The following ULBP2 variants were observed in gnomAD, a reference collection of about 807,000 sequenced individuals.
The protein encoded by ULBP2 is UL16 binding protein 2.
ULBP2 carries 21 observed loss-of-function variants against 23.6 expected under a neutral mutation model. The observed-to-expected ratio is 0.89, with a 90% CI of 0.63 to 1.28. The LOEUF is 1.28. ULBP2 is among the 50% of genes most tolerant of loss of function. The probability of loss-of-function intolerance (pLI) is 0.00; values close to 1 mark genes in which losing one functional copy is unlikely to be tolerated. For synonymous variants in ULBP2, 82 were observed against 112.8 expected, an observed-to-expected ratio of 0.73 and a Z score of 1.73; for missense variants, 251 against 306.0, an observed-to-expected ratio of 0.82 and a Z score of 1.34.
Position 149,945,380 on chromosome 6 carries a change from C to A in ULBP2, c.157C>A (p.Gln53Lys). 6.2e-7 allele frequency: 1 copy of A among 1,613,048 alleles called. No homozygotes were observed. Among genetic ancestry groups the A allele is most frequent in the Non-Finnish European group, 8.5e-7 (1 of 1,179,876 alleles). ...ACCTGGACCACGGTGGTGTGCGGTTCAAGGCCAGGTGGATGAAAAGACTTT... is the reference window on the plus strand; with the variant it reads ...ACCTGGACCACGGTGGTGTGCGGTTAAAGGCCAGGTGGATGAAAAGACTTT... The part of the protein sequence containing the change: ...FRPGPRWCAV[Q>K]GQVDEKTFLH... Residue 53 changes from glutamine to lysine, a missense_variant, in exon 2 of 5, where the codon CAA (glutamine) becomes AAA (lysine). By Grantham distance (53) the Gln-to-Lys change is moderately conservative (BLOSUM62 1). Coordinates refer to ENST00000367351, the MANE Select transcript of ULBP2 (RefSeq NM_025217.4).
At position 149,946,245 on chromosome 6, in the gene ULBP2, C is replaced by T. The variant is rs554825870; in HGVS notation, c.350-127C>T. 1.1e-4 allele frequency: 130 copies of T among 1,205,474 alleles called. 1 individual carries two copies. Among genetic ancestry groups the T allele is most frequent in the Non-Finnish European group, 1.4e-4 (120 of 860,610 alleles). 74.7% of individuals were successfully genotyped at this position (1,205,474 alleles called of 1,614,324 possible). A position where few individuals can be genotyped will look rare whatever the true frequency, so the allele number is the denominator to read the frequency against. ...AAATACAAATGGGAAGGTCATCATA[C>T]CCCTCAAGAGTCTAGAGGCAAGGCC... On this transcript the variant is annotated intron_variant, in intron 2 of 4. Coordinates refer to ENST00000367351, the MANE Select transcript of ULBP2 (RefSeq NM_025217.4).
At chr6:149,942,357 A>G (rs1337874148) in intron 1 of ULBP2, among the ~76,000 whole-genome samples, 200 bp downstream of exon 1, 10 of 152,196 alleles carry the variant, frequency 6.6e-5, no homozygotes, top group Non-Finnish European at 1.3e-4. Flanking sequence ...AGAGGCGAAA[A>G]GGAGCGGGGT....
intron 2 of ULBP2, 69 bp from the exon 3 acceptor site, chr6:149,946,303 T>C (rs1276641979): frequency 1.9e-6 from 3 of 1,544,308 alleles, no homozygotes; most frequent in Non-Finnish European, 2.6e-6. Context: ...GCCAGCAAAT[T>C]GTAAGGGGAA....
chr6:149,942,265 C>T (rs1582812056), intron 1 of ULBP2, 108 bp downstream of exon 1: 9 of 1,182,608 alleles, frequency 7.6e-6, no homozygotes, highest in Admixed American at 2.5e-5. Context: ...GGGGAGATCT[C>T]CCCTAACTGC....
At chr6:149,946,128 G>T (rs1170726266) in intron 2 of ULBP2, among the ~76,000 whole-genome samples, 1 of 150,766 alleles carries the variant, frequency 6.6e-6, no homozygotes, top group Non-Finnish European at 1.5e-5. Flanking sequence ...TGTAGTCCCA[G>T]CTACTTAGGA....
intron 1 of ULBP2, among the ~76,000 whole-genome samples, chr6:149,944,495 C>G (rs1426041762): frequency 2.8e-5 from 4 of 142,678 alleles, no homozygotes; most frequent in South Asian, 4.8e-4. Flanking sequence ...ATTTCAGGAA[C>G]AGCATCTCCT....
At position 149,949,126 on chromosome 6, in the gene ULBP2, A is replaced by G. The variant is rs1163203173; in HGVS notation, c.*426A>G. 1 of 155,442 alleles carries G rather than the reference A, an allele frequency of 6.4e-6. No individual in the cohort carries two copies. The highest frequency in any genetic ancestry group is 1.4e-5 in the Non-Finnish European group (1 of 70,272). The allele number at this position is 155,442 out of a possible 1,614,324, so 9.6% of individuals were successfully genotyped here. ...CTGGGGATTCTTTCCGTGTCCTGAA[A>G]GAGAATTTTTAAATTATTTAATAAG... On this transcript the variant is annotated 3_prime_UTR_variant, in exon 5 of 5. Transcript: ENST00000367351.
intron 4 of ULBP2, among the ~76,000 whole-genome samples, chr6:149,947,855 T>C (rs1471264150): frequency 6.6e-6 from 1 of 151,638 alleles, no homozygotes; most frequent in African/African-American, 2.4e-5. Context: ...TTACATGAGG[T>C]GTGACAGGGG....
At chr6:149,947,814 TC>T (rs533498101) in intron 4 of ULBP2, among the ~76,000 whole-genome samples, 68 of 151,700 alleles carry the variant, frequency 4.5e-4, no homozygotes, top group African/African-American at 1.5e-3. Context: ...TGGGCAGTCC[TC>T]TTAATTGGGT....
At chr6:149,943,030 G>A (rs1235453747) in intron 1 of ULBP2, among the ~76,000 whole-genome samples, 1 of 152,170 alleles carries the variant, frequency 6.6e-6, no homozygotes, top group Non-Finnish European at 1.5e-5. Flanking sequence ...AATAGTCACT[G>A]TGTAGACAGG....
intron 4 of ULBP2, among the ~76,000 whole-genome samples, chr6:149,948,332 T>C (rs1778974435): frequency 6.6e-6 from 1 of 152,112 alleles, no homozygotes; most frequent in African/African-American, 2.4e-5. Context: ...GAAAGAAGGA[T>C]GTTTGCCTGC....
chr6:149,948,866 A>T lies in ULBP2; in HGVS notation c.*166A>T. The T allele has an allele frequency of 2.4e-6, 1 of 418,502 alleles. No individual in the cohort carries two copies. The highest frequency in any genetic ancestry group is 2.7e-5 in the Admixed American group (1 of 36,742). 25.9% of individuals were successfully genotyped at this position (418,502 alleles called of 1,614,324 possible). A position where few individuals can be genotyped will look rare whatever the true frequency, so the allele number is the denominator to read the frequency against. On this transcript the variant is annotated 3_prime_UTR_variant, in exon 5 of 5. Coordinates refer to ENST00000367351, the MANE Select transcript of ULBP2 (RefSeq NM_025217.4). ...ACATCATGGACCCAATAGCTCATTC[A>T]CTGCCTTGATTCCTTTTGCCAACAA...
chr6:149,948,508 C>G (rs1456209947), intron 4 of ULBP2, among the ~76,000 whole-genome samples: 1 of 152,124 alleles, frequency 6.6e-6, no homozygotes, highest in Non-Finnish European at 1.5e-5. Context: ...TCCACTCCAT[C>G]CCCTGGTCAG....
intron 1 of ULBP2, among the ~76,000 whole-genome samples, chr6:149,942,369 G>A (rs1778876310): frequency 6.6e-6 from 1 of 152,178 alleles, no homozygotes; most frequent in African/African-American, 2.4e-5. Flanking sequence ...GAGCGGGGTG[G>A]AAAGGAGGCT....
At position 149,947,471 on chromosome 6, in the gene ULBP2, A is replaced by G. The variant is rs1324042610; in HGVS notation, c.*22+20A>G. 1 of 1,193,242 alleles carries G rather than the reference A, an allele frequency of 8.4e-7. No individual in the cohort carries two copies. The highest frequency in any genetic ancestry group is 2.3e-5 in the Admixed American group (1 of 42,830). The allele number at this position is 1,193,242 out of a possible 1,614,324, so 73.9% of individuals were successfully genotyped here. A position where few individuals can be genotyped will look rare whatever the true frequency, so the allele number is the denominator to read the frequency against. On this transcript the variant is annotated intron_variant, in intron 4 of 4. Coordinates refer to ENST00000367351, the MANE Select transcript of ULBP2 (RefSeq NM_025217.4). ...TGACAGGTACTGTGGGCAGAATTGGAAGTGGAGCAAGGAGCAGGTGGGTGA... is the reference window on the plus strand; with the variant it reads ...TGACAGGTACTGTGGGCAGAATTGGGAGTGGAGCAAGGAGCAGGTGGGTGA...
Position 149,948,861 on chromosome 6 carries a change from C to T in ULBP2, c.*161C>T. 2.4e-6 allele frequency: 1 copy of T among 423,942 alleles called. No homozygotes were observed. The highest frequency in any genetic ancestry group is 4.8e-6 in the Non-Finnish European group (1 of 209,910). 26.3% of individuals were successfully genotyped at this position (423,942 alleles called of 1,614,324 possible). A position where few individuals can be genotyped will look rare whatever the true frequency, so the allele number is the denominator to read the frequency against. On this transcript the variant is annotated 3_prime_UTR_variant, in exon 5 of 5. Transcript: ENST00000367351. ...TGATGACATCATGGACCCAATAGCT[C>T]ATTCACTGCCTTGATTCCTTTTGCC... is the stretch of plus-strand genomic sequence containing the variant.
chr6:149,948,922 G>T lies in ULBP2; in HGVS notation c.*222G>T. 3.2e-6 allele frequency: 1 copy of T among 316,736 alleles called. No homozygotes were observed. The highest frequency in any genetic ancestry group is 6.3e-6 in the Non-Finnish European group (1 of 158,640). The allele number at this position is 316,736 out of a possible 1,614,324, so 19.6% of individuals were successfully genotyped here. Reference sequence around the variant, plus strand: ...CCAGCAGTTATACCTAACATATTATGCAATTTTCTCTTGGTGCTACCTGAT... The same window carrying T: ...CCAGCAGTTATACCTAACATATTATTCAATTTTCTCTTGGTGCTACCTGAT... On this transcript the variant is annotated 3_prime_UTR_variant, in exon 5 of 5. Transcript: ENST00000367351.
chr6:149,945,553 G>T lies in ULBP2; in HGVS notation c.330G>T (p.Leu110=). ...ILTEQLRDIQ[L]ENYTPKEPLT... Reference sequence around the variant, plus strand: ...CAGAGCAACTGCGTGACATTCAGCTGGAGAATTACACACCCAAGGGTAAGT... The same window carrying T: ...CAGAGCAACTGCGTGACATTCAGCTTGAGAATTACACACCCAAGGGTAAGT... The change falls in exon 2 of 5, where the codon CTG becomes CTT. Residue 110 remains leucine, a synonymous_variant. Coordinates refer to ENST00000367351, the MANE Select transcript of ULBP2 (RefSeq NM_025217.4). 1 of 1,614,022 alleles carries T rather than the reference G, an allele frequency of 6.2e-7. No individual in the cohort carries two copies. Among genetic ancestry groups the T allele is most frequent in the Non-Finnish European group, 8.5e-7 (1 of 1,179,878 alleles).
intron 4 of ULBP2, among the ~76,000 whole-genome samples, chr6:149,948,220 C>T (rs1778972801): frequency 6.6e-6 from 1 of 152,052 alleles, no homozygotes; most frequent in Non-Finnish European, 1.5e-5. Context: ...GTTCCACAGG[C>T]ACCACTGGGC....
Sources: allele counts gnomAD v4.1 joint callset (sites outside exome capture counted in the v4.1 genomes callset), GRCh38; gene constraint gnomAD v4.1.1; transcripts MANE v1.5; gene names NCBI Gene and HGNC (gene_info 2026-07-23, HGNC 2026-07-21).